The following NUGGC variants were observed in gnomAD, a reference collection of about 807,000 sequenced individuals.
NUGGC encodes nuclear GTPase SLIP-GC.
NUGGC carries 58 observed loss-of-function variants against 92.6 expected under a neutral mutation model. The observed-to-expected ratio is 0.63, with a 90% CI of 0.51 to 0.78. The LOEUF (loss-of-function observed/expected upper bound fraction) is 0.78. Among genes scored for constraint, NUGGC ranks in the 30% least tolerant of loss-of-function variants. NUGGC has a pLI of 0.00. For synonymous variants in NUGGC, 376 were observed against 366.4 expected (o/e 1.03, Z -0.30); for missense variants, 925 against 964.6 (o/e 0.96, Z 0.54).
At chr8:28,025,264 C>T (rs1175216239) in intron 18 of NUGGC, among the ~76,000 whole-genome samples, 2 of 152,254 alleles carry the variant, frequency 1.3e-5, no homozygotes, top group African/African-American at 4.8e-5. Context: ...GCCCTGACAA[C>T]AGGGACTGCC....
intron 10 of NUGGC, among the ~76,000 whole-genome samples, chr8:28,050,608 C>T (rs1354571690): frequency 1.3e-5 from 2 of 151,756 alleles, no homozygotes; most frequent in African/African-American, 4.8e-5. Context: ...GTCAGGAGTT[C>T]GAGACCAGCC....
intron 1 of NUGGC, among the ~76,000 whole-genome samples, chr8:28,076,635 G>A (rs1382147884): frequency 6.6e-6 from 1 of 152,164 alleles, no homozygotes; most frequent in Admixed American, 6.5e-5. Flanking sequence ...CTTGATTGAA[G>A]AGTAAAGCAA....
In NUGGC at chr8:28,074,386, C is replaced by G. The variant is rs770703446; in HGVS notation, c.25G>C (p.Gly9Arg). Residue 9 changes from glycine (G) to arginine (R), a missense_variant, in exon 2 of 19, where the codon GGC becomes CGC. Gly to Arg is a moderately radical substitution (Grantham distance 125). Transcript: ENST00000413272. ...ATGTTACCTGGATGCGGTTCCTGGC[C>G]AAAAACATCCTTCGTTTCTGCCATT... MAETKDVF[G>R]QEPHPVEDDL... is the part of the protein sequence containing the mutation. 15 of 1,613,264 alleles carry G rather than the reference C, an allele frequency of 9.3e-6. No individual in the cohort carries two copies. The highest frequency in any genetic ancestry group is 1.2e-5 in the Non-Finnish European group (14 of 1,179,446).
chr8:28,066,137 A>G (rs1810436325), intron 6 of NUGGC, among the ~76,000 whole-genome samples: 1 of 152,220 alleles, frequency 6.6e-6, no homozygotes, highest in African/African-American at 2.4e-5. Context: ...GTTGGCAAAG[A>G]CGTTGATACC....
chr8:28,046,980 TGTG>T (rs920962422), intron 11 of NUGGC, among the ~76,000 whole-genome samples: 2 of 151,452 alleles, frequency 1.3e-5, no homozygotes, highest in African/African-American at 2.4e-5. Context: ...TTTTTGTTGT[TGTG>T]TTTTGAGACA....
In NUGGC at chr8:28,030,517, T is replaced by C. The variant is rs566585285; in HGVS notation, c.1909-99A>G. 7.8e-5 allele frequency: 54 copies of C among 692,122 alleles called. No homozygotes were observed. The African/African-American group carries it at 8.4e-4, about 11-fold the overall frequency. 42.9% of individuals were successfully genotyped at this position (692,122 alleles called of 1,614,324 possible). The stretch of plus-strand genomic sequence containing the variant: ...GGCCACCATTCCCTCCACCTCCACC[T>C]TATATGATGCCCAGTTGTTTGTCTG... On this transcript the variant is annotated intron_variant, in intron 15 of 18. Transcript: ENST00000413272.
intron 15 of NUGGC, 95 bp from the exon 16 acceptor site, chr8:28,030,513 C>T: frequency 2.9e-6 from 2 of 701,444 alleles, no homozygotes; most frequent in South Asian, 1.6e-5. Flanking sequence ...CCTCCACCTC[C>T]ACCTTATATG....
intron 1 of NUGGC, among the ~76,000 whole-genome samples, 173 bp from the exon 2 acceptor site, chr8:28,074,629 T>C (rs761102655): frequency 6.6e-6 from 1 of 152,208 alleles, no homozygotes; most frequent in African/African-American, 2.4e-5. Context: ...AAGATTAGTG[T>C]TTGAACACTG....
chr8:28,055,952 C>A lies in NUGGC; in HGVS notation c.1206+13G>T, dbSNP rs768445381. On this transcript the variant is annotated intron_variant, in intron 10 of 18. Transcript: ENST00000413272. ...GGATACAGAAAAACACATAGAGAAA[C>A]CTATTAACTCACCTTCAGTTTTTCC... 2.2e-6 allele frequency: 3 copies of A among 1,373,658 alleles called. No individual in the cohort carries two copies. The highest frequency in any genetic ancestry group is 3.0e-6 in the Non-Finnish European group (3 of 985,444). 85.1% of individuals were successfully genotyped at this position (1,373,658 alleles called of 1,614,324 possible). A position where few individuals can be genotyped will look rare whatever the true frequency, so the allele number is the denominator to read the frequency against.
At position 28,023,353 on chromosome 8, in the gene NUGGC, G is replaced by A. The variant is rs2130043938; in HGVS notation, c.2355C>T (p.Ser785=). Residue 785 remains serine, a synonymous_variant, in exon 19 of 19, where the codon TCC becomes TCT. Transcript: ENST00000413272. ...TCCCGGGGGGGCCAGCCTTGCTGGGGGATGCCCTTAGGAGGAATTCTTGCA... is the reference window on the plus strand; with the variant it reads ...TCCCGGGGGGGCCAGCCTTGCTGGGAGATGCCCTTAGGAGGAATTCTTGCA... ...KGMQEFLLRA[S]PSKAGPPGTS... 1.9e-6 allele frequency: 3 copies of A among 1,613,898 alleles called. No individual in the cohort carries two copies.
Position 28,041,136 on chromosome 8 carries a change from C to G in NUGGC, c.1526G>C (p.Cys509Ser), listed in dbSNP as rs1202540621. 1 of 1,609,966 alleles carries G rather than the reference C, an allele frequency of 6.2e-7. No individual in the cohort carries two copies. The highest frequency in any genetic ancestry group is 1.3e-5 in the African/African-American group (1 of 74,884). The change falls in exon 13 of 19, where the codon TGC becomes TCC. Residue 509 changes from cysteine to serine, a missense_variant. Coordinates refer to ENST00000413272, the MANE Select transcript of NUGGC (RefSeq NM_001010906.2). ...VELLEKAIAQ[C>S]FACMEQPLQE... ...CAGAGGCTGCTCCATGCAGGCGAAG[C>G]ACTGTGCGATGGCCTTCTCCAGCAG...
intron 12 of NUGGC, among the ~76,000 whole-genome samples, chr8:28,043,722 C>T (rs1370368352): frequency 6.6e-6 from 1 of 152,156 alleles, no homozygotes. Context: ...ATGCCTTGTC[C>T]TAATGTTTGT....
chr8:28,032,926 G>A lies in NUGGC; in HGVS notation c.1769+614C>T, dbSNP rs561105373. Among the ~76,000 whole-genome samples, 17 of 152,222 alleles carry A rather than the reference G, an allele frequency of 1.1e-4. No homozygotes were observed. The East Asian group carries it at 3.3e-3, about 30-fold the overall frequency. On this transcript the variant is annotated intron_variant, in intron 14 of 18. Transcript: ENST00000413272. ...AGTAATCCCAGCACTTTGGGAGGACGATGGGGGAGGATCATTTAAGGTCAG... is the reference window on the plus strand; with the variant it reads ...AGTAATCCCAGCACTTTGGGAGGACAATGGGGGAGGATCATTTAAGGTCAG...
chr8:28,055,153 T>C (rs1810100756), intron 10 of NUGGC, among the ~76,000 whole-genome samples: 1 of 152,180 alleles, frequency 6.6e-6, no homozygotes, highest in Non-Finnish European at 1.5e-5. Flanking sequence ...CTCAGGAGGC[T>C]GAGGCAGGAT....
At chr8:28,046,138 C>T (rs540399666) in intron 11 of NUGGC, among the ~76,000 whole-genome samples, 2 of 152,274 alleles carry the variant, frequency 1.3e-5, no homozygotes, top group South Asian at 4.2e-4. Flanking sequence ...CCTGTCACAT[C>T]CTAACCCATT....
intron 13 of NUGGC, among the ~76,000 whole-genome samples, chr8:28,035,291 G>A (rs1047131764): frequency 1.3e-5 from 2 of 152,088 alleles, no homozygotes; most frequent in Admixed American, 6.5e-5. Flanking sequence ...AAATTACCCC[G>A]AACATAGCGG....
intron 4 of NUGGC, 144 bp from the exon 5 acceptor site, chr8:28,068,582 A>C (rs1810507476): frequency 3.2e-6 from 2 of 620,740 alleles, no homozygotes; most frequent in Middle Eastern, 4.3e-4. Flanking sequence ...TCAAAGGAGA[A>C]TATCAATCCC....
intron 10 of NUGGC, among the ~76,000 whole-genome samples, chr8:28,052,883 G>A (rs67558018): frequency 0.2 from 30,411 of 152,060 alleles, 3,720 homozygotes; most frequent in East Asian, 0.45. Flanking sequence ...CCGTTACATC[G>A]AAAGGCCTGG....
At chr8:28,058,304 A>G in intron 8 of NUGGC, 28 bp from the exon 9 acceptor site, 1 of 486,570 alleles carries the variant, frequency 2.1e-6, no homozygotes, top group Non-Finnish European at 3.3e-6. Flanking sequence ...AAATGTAACA[A>G]TTACTTAATT....
Sources: allele counts gnomAD v4.1 joint callset (sites outside exome capture counted in the v4.1 genomes callset), GRCh38; gene constraint gnomAD v4.1.1; transcripts MANE v1.5; gene names NCBI Gene and HGNC (gene_info 2026-07-23, HGNC 2026-07-21).